The following LRP1B variants were observed in gnomAD, a reference collection of about 807,000 sequenced individuals.
LRP1B encodes low-density lipoprotein receptor-related protein 1B.
In LRP1B, 217 loss-of-function variants were observed where a neutral mutation model predicts 556.6. The ratio of observed to expected loss-of-function variants is 0.39; its 90% confidence interval spans 0.35 to 0.44. The LOEUF is 0.44. Among genes scored for constraint, LRP1B ranks in the 20% least tolerant of loss-of-function variants. The pLI, the probability that LRP1B is intolerant of heterozygous loss-of-function variation, is 1.00. For missense variants in LRP1B, 5,053 were observed against 5,620.8 expected, an observed-to-expected ratio of 0.90 and a Z score of 3.23; for synonymous variants, 2,047 against 1,865.8, an observed-to-expected ratio of 1.10 and a Z score of -2.50.
intron 3 of LRP1B, among the ~76,000 whole-genome samples, chr2:141,407,933 G>A (rs1321496260): frequency 6.6e-6 from 1 of 152,056 alleles, no homozygotes; most frequent in Non-Finnish European, 1.5e-5. Flanking sequence ...TCACAGGAAA[G>A]TTTCTAAGTG....
chr2:140,483,522 C>T (rs1276211863), intron 59 of LRP1B, among the ~76,000 whole-genome samples: 1 of 146,606 alleles, frequency 6.8e-6, no homozygotes, highest in Non-Finnish European at 1.5e-5. Flanking sequence ...CTAAGCCAGC[C>T]ATATTGATTT....
chr2:141,140,219 G>A (rs958044818), intron 7 of LRP1B, among the ~76,000 whole-genome samples: 1 of 152,030 alleles, frequency 6.6e-6, no homozygotes, highest in Non-Finnish European at 1.5e-5. Flanking sequence ...GGAACGTTTA[G>A]GAGAGATGTA....
In LRP1B at chr2:140,251,915, C is replaced by T. The variant is rs13429463; in HGVS notation, c.13248-4753G>A. 6.6e-5 allele frequency among the ~76,000 whole-genome samples: 10 copies of T among 150,830 alleles called. No homozygotes were observed. In the Admixed American group the frequency reaches 6.6e-4, roughly 10 times the overall value. On this transcript the variant is annotated intron_variant, in intron 86 of 90. Coordinates refer to ENST00000389484, the MANE Select transcript of LRP1B (RefSeq NM_018557.3). ...AAGTTACTTGCAAAATACTTTTTTT[C>T]TGGTTAACTCATCAAATTACACTCT...
rs144284558 is a variant in LRP1B at position 141,590,693 on chromosome 2, T to C, written c.206-110160A>G. On this transcript the variant is annotated intron_variant, in intron 2 of 90. Coordinates refer to ENST00000389484, the MANE Select transcript of LRP1B (RefSeq NM_018557.3). ...CCCTGTCTCCTCCCAATTTGGGCAC[T>C]TGTGCTCCTCTTCCATGAATTCTCT... Among the ~76,000 whole-genome samples the C allele has an allele frequency of 5.6e-3, 857 of 152,264 alleles. 10 individuals carry two copies. The highest frequency in any genetic ancestry group is 0.019 in the African/African-American group (808 of 41,558).
At chr2:142,087,659 C>A (rs1309350755) in intron 1 of LRP1B, among the ~76,000 whole-genome samples, 1 of 150,820 alleles carries the variant, frequency 6.6e-6, no homozygotes, top group Admixed American at 6.6e-5. Context: ...GGGAATAATA[C>A]CATGTAATTC....
At chr2:140,985,149 T>C (rs1696881288) in intron 17 of LRP1B, among the ~76,000 whole-genome samples, 1 of 151,900 alleles carries the variant, frequency 6.6e-6, no homozygotes, top group African/African-American at 2.4e-5. Flanking sequence ...ATCATGCTTC[T>C]CCTATAGCCA....
chr2:141,543,195 C>T (rs919397859), intron 2 of LRP1B, among the ~76,000 whole-genome samples: 1 of 152,012 alleles, frequency 6.6e-6, no homozygotes, highest in Admixed American at 6.6e-5. Flanking sequence ...AGTTTCACTG[C>T]ATACCCTCTT....
At chr2:140,315,422 T>C (rs1038002126) in intron 82 of LRP1B, among the ~76,000 whole-genome samples, 4 of 152,168 alleles carry the variant, frequency 2.6e-5, no homozygotes, top group Admixed American at 2.6e-4. Flanking sequence ...ATTTCTTTTT[T>C]ATTTTACTGA....
intron 41 of LRP1B, among the ~76,000 whole-genome samples, chr2:140,623,196 C>T (rs1164072322): frequency 6.6e-6 from 1 of 152,082 alleles, no homozygotes; most frequent in Non-Finnish European, 1.5e-5. Context: ...GCTAGACAGT[C>T]CTGTGTTTCA....
intron 83 of LRP1B, among the ~76,000 whole-genome samples, chr2:140,305,434 C>A (rs1684024564): frequency 6.6e-6 from 1 of 152,102 alleles, no homozygotes; most frequent in Non-Finnish European, 1.5e-5. Flanking sequence ...AATGGGAGTT[C>A]ACTCATGATT....
intron 20 of LRP1B, among the ~76,000 whole-genome samples, chr2:140,943,819 A>C (rs1480023104): frequency 6.6e-6 from 1 of 152,082 alleles, no homozygotes; most frequent in African/African-American, 2.4e-5. Context: ...TCAGGAAGAC[A>C]GAAAGATCTC....
intron 79 of LRP1B, among the ~76,000 whole-genome samples, chr2:140,333,400 T>C (rs574369542): frequency 1.3e-5 from 2 of 152,212 alleles, no homozygotes; most frequent in East Asian, 3.9e-4. Flanking sequence ...TTGCTTCACA[T>C]TGTTTCTTCA....
At chr2:140,370,023 C>T (rs1021340688) in intron 71 of LRP1B, among the ~76,000 whole-genome samples, 17 of 151,984 alleles carry the variant, frequency 1.1e-4, no homozygotes, top group Non-Finnish European at 2.4e-4. Context: ...AATTTGTGAT[C>T]ATTTTAAGCT....
At chr2:141,225,450 C>T (rs1022433630) in intron 6 of LRP1B, among the ~76,000 whole-genome samples, 30 of 152,146 alleles carry the variant, frequency 2.0e-4, no homozygotes, top group African/African-American at 7.2e-4. Context: ...GAATTCACCA[C>T]TTTTGTAAAT....
chr2:140,745,690 C>T (rs1275910721), intron 35 of LRP1B, among the ~76,000 whole-genome samples: 1 of 152,084 alleles, frequency 6.6e-6, no homozygotes, highest in Non-Finnish European at 1.5e-5. Flanking sequence ...AACCCAGATG[C>T]CCCACTGCCT....
intron 6 of LRP1B, among the ~76,000 whole-genome samples, chr2:141,201,022 AAATAT>A (rs1430852068): frequency 6.6e-6 from 1 of 152,164 alleles, no homozygotes; most frequent in East Asian, 1.9e-4. Flanking sequence ...CCATGAGCTC[AAATAT>A]AATAAGTCAC....
intron 75 of LRP1B, 63 bp from the exon 76 acceptor site, chr2:140,353,135 C>G: frequency 2.6e-6 from 4 of 1,560,594 alleles, no homozygotes; most frequent in Non-Finnish European, 3.4e-6. Context: ...ATTCTTACCA[C>G]GTTTCAAAAA....
chr2:141,545,538 CAT>C (rs1270448818), intron 2 of LRP1B, among the ~76,000 whole-genome samples: 7 of 152,236 alleles, frequency 4.6e-5, no homozygotes, highest in African/African-American at 1.7e-4. Context: ...AGTTCAATCA[CAT>C]GAGTCCTTTC....
intron 3 of LRP1B, among the ~76,000 whole-genome samples, chr2:141,345,187 A>G (rs1038085201): frequency 4.0e-5 from 6 of 151,664 alleles, no homozygotes; most frequent in African/African-American, 7.3e-5. Context: ...AAAACCCACA[A>G]GAAAATGGAT....
Sources: gnomAD v4.1 joint callset for allele counts (sites outside exome capture counted in the v4.1 genomes callset) on GRCh38, gnomAD v4.1.1 for gene constraint, MANE v1.5 for transcripts, NCBI Gene and HGNC (gene_info 2026-07-23, HGNC 2026-07-21) for gene names.